CEP128: variants seen among roughly 807,000 people sequenced by gnomAD.
CEP128 encodes the protein centrosomal protein 128.
CEP128 carries 132 observed loss-of-function variants against 156.7 expected under a neutral mutation model. The observed-to-expected ratio is 0.84, with a 90% CI of 0.73 to 0.97. CEP128 has a LOEUF of 0.97. Among genes scored for constraint, CEP128 ranks in the 50% least tolerant of loss-of-function variants. The probability of loss-of-function intolerance (pLI) is 0.00; values close to 1 mark genes in which losing one functional copy is unlikely to be tolerated. For synonymous variants in CEP128, 469 were observed against 448.9 expected, an observed-to-expected ratio of 1.04 and a Z score of -0.57; for missense variants, 1,252 against 1,281.9, an observed-to-expected ratio of 0.98 and a Z score of 0.36.
At chr14:80,692,801 C>A (rs1014557669) in intron 19 of CEP128, among the ~76,000 whole-genome samples, 4 of 152,224 alleles carry the variant, frequency 2.6e-5, no homozygotes, top group Non-Finnish European at 5.9e-5. Context: ...GACCAGCTCA[C>A]TCTGCACTGG....
intron 14 of CEP128, among the ~76,000 whole-genome samples, chr14:80,791,595 GCTGA>G (rs1901709048): frequency 6.6e-6 from 1 of 152,238 alleles, no homozygotes; most frequent in East Asian, 1.9e-4. Context: ...GCCAGATCAG[GCTGA>G]CAACAGAATA....
At chr14:80,733,925 A>G (rs994825015) in intron 19 of CEP128, among the ~76,000 whole-genome samples, 1 of 152,164 alleles carries the variant, frequency 6.6e-6, no homozygotes, top group African/African-American at 2.4e-5. Context: ...GGACATAGAT[A>G]ATTTTATTAA....
intron 18 of CEP128, among the ~76,000 whole-genome samples, chr14:80,754,460 T>TC (rs1899544003): frequency 9.8e-6 from 1 of 102,414 alleles, no homozygotes; most frequent in Non-Finnish European, 1.7e-5. Context: ...TGTCCTGTTC[T>TC]TTTTTTTTTT....
intron 19 of CEP128, among the ~76,000 whole-genome samples, chr14:80,608,075 T>G (rs1257080463): frequency 1.3e-5 from 2 of 152,220 alleles, no homozygotes; most frequent in African/African-American, 2.4e-5. Context: ...TTCCACTTCA[T>G]TTATGTATCT....
chr14:80,604,489 G>C (rs1892701377), intron 19 of CEP128, among the ~76,000 whole-genome samples: 1 of 152,102 alleles, frequency 6.6e-6, no homozygotes, highest in African/African-American at 2.4e-5. Flanking sequence ...ACTTCCAAGA[G>C]TATTATCTTC....
At chr14:80,572,051 G>A (rs575139882) in intron 20 of CEP128, among the ~76,000 whole-genome samples, 49 of 152,294 alleles carry the variant, frequency 3.2e-4, no homozygotes, top group Non-Finnish European at 5.4e-4. Flanking sequence ...TTTCATGTGT[G>A]ACTTTTTCCC....
At chr14:80,779,691 G>A (rs1350026332) in intron 15 of CEP128, among the ~76,000 whole-genome samples, 1 of 152,130 alleles carries the variant, frequency 6.6e-6, no homozygotes, top group Non-Finnish European at 1.5e-5. Flanking sequence ...CCCAAACTTG[G>A]CAAATGCTAT....
intron 4 of CEP128, among the ~76,000 whole-genome samples, chr14:80,912,172 G>A (rs913879633): frequency 4.6e-5 from 7 of 151,090 alleles, no homozygotes; most frequent in South Asian, 2.1e-4. Flanking sequence ...AGCTGAGATC[G>A]CGCCACTGCA....
chr14:80,817,500 C>T (rs1166396733), intron 13 of CEP128, among the ~76,000 whole-genome samples: 1 of 152,150 alleles, frequency 6.6e-6, no homozygotes, highest in Non-Finnish European at 1.5e-5. Context: ...AAGATAATGT[C>T]TCATCTAATA....
intron 19 of CEP128, among the ~76,000 whole-genome samples, chr14:80,611,396 T>C (rs1223850376): frequency 6.6e-6 from 1 of 151,818 alleles, no homozygotes; most frequent in African/African-American, 2.4e-5. Context: ...TCATGTACTA[T>C]AGATTATGGC....
intron 18 of CEP128, among the ~76,000 whole-genome samples, chr14:80,749,355 C>T (rs1212037620): frequency 2.6e-5 from 4 of 152,134 alleles, no homozygotes; most frequent in Admixed American, 6.6e-5. Context: ...CTAATCACAA[C>T]GGCCAAGATT....
chr14:80,771,017 C>T (rs960595684), intron 16 of CEP128, among the ~76,000 whole-genome samples: 9 of 151,952 alleles, frequency 5.9e-5, no homozygotes, highest in African/African-American at 1.9e-4. Flanking sequence ...TATATTTTTC[C>T]CCATCATCAA....
At chr14:80,592,697 A>C (rs1422004530) in intron 19 of CEP128, among the ~76,000 whole-genome samples, 1 of 152,218 alleles carries the variant, frequency 6.6e-6, no homozygotes. Context: ...ACACAACAAA[A>C]AAAGAAAATT....
intron 19 of CEP128, among the ~76,000 whole-genome samples, chr14:80,711,012 C>G (rs1482703160): frequency 6.6e-6 from 1 of 152,134 alleles, no homozygotes; most frequent in Non-Finnish European, 1.5e-5. Flanking sequence ...CATCCATCCT[C>G]TTAAGAGAAA....
chr14:80,831,315 G>T (rs373043400), intron 12 of CEP128, 21 bp from the exon 13 acceptor site: 2 of 1,611,974 alleles, frequency 1.2e-6, no homozygotes, highest in Admixed American at 3.3e-5. Flanking sequence ...AAAATGTAAG[G>T]CTCAAGGGTT....
At chr14:80,944,848 A>C (rs1457938331), upstream of CEP128, among the ~76,000 whole-genome samples, 6 of 130,746 alleles carry the variant, frequency 4.6e-5, no homozygotes, top group Non-Finnish European at 8.3e-5. Flanking sequence ...AAAAAAAAAA[A>C]AAAAAAAAAC....
At chr14:80,886,396 T>C (rs974839464) in intron 8 of CEP128, among the ~76,000 whole-genome samples, 5 of 152,130 alleles carry the variant, frequency 3.3e-5, no homozygotes, top group Admixed American at 6.6e-5. Flanking sequence ...TCAAGTTACC[T>C]GCAAAGGGAA....
intron 13 of CEP128, among the ~76,000 whole-genome samples, chr14:80,811,661 G>C (rs1884540694): frequency 6.8e-6 from 1 of 146,186 alleles, no homozygotes; most frequent in Non-Finnish European, 1.5e-5. Flanking sequence ...GTGTGTATGT[G>C]TGTGTGTACA....
intron 2 of CEP128, among the ~76,000 whole-genome samples, chr14:80,920,653 G>A (rs991830531): frequency 2.6e-5 from 4 of 152,038 alleles, no homozygotes; most frequent in South Asian, 2.1e-4. Context: ...ATTGAGAGTC[G>A]TCACATAAGG....
Sources: allele counts gnomAD v4.1 joint callset (sites outside exome capture counted in the v4.1 genomes callset), GRCh38; gene constraint gnomAD v4.1.1; transcripts MANE v1.5; gene names NCBI Gene and HGNC (gene_info 2026-07-23, HGNC 2026-07-21).